The following CDH10 variants were observed in gnomAD, a reference collection of about 807,000 sequenced individuals.
CDH10 encodes the protein cadherin-10.
In CDH10, 30 loss-of-function variants were observed where a neutral mutation model predicts 73.1. The ratio of observed to expected loss-of-function variants is 0.41; its 90% confidence interval spans 0.31 to 0.56. The LOEUF is 0.56. CDH10 is among the 20% of genes least tolerant of loss of function. The pLI is 0.27. For synonymous variants in CDH10, 345 were observed against 348.2 expected (o/e 0.99, Z 0.10); for missense variants, 815 against 973.7 (o/e 0.84, Z 2.17).
At chr5:24,607,603 T>G (rs1746802342) in intron 1 of CDH10, among the ~76,000 whole-genome samples, 1 of 152,174 alleles carries the variant, frequency 6.6e-6, no homozygotes, top group Admixed American at 6.5e-5. Flanking sequence ...GACTTAGAAT[T>G]TTAAGTATTA....
chr5:24,612,407 A>C (rs1746979067), intron 1 of CDH10: 2 of 152,178 alleles, frequency 1.3e-5, no homozygotes, highest in South Asian at 4.1e-4. Flanking sequence ...TTGGTGAAAA[A>C]TTTATTGCTT....
At chr5:24,620,251 A>G (rs879942073) in intron 1 of CDH10, among the ~76,000 whole-genome samples, 1 of 152,206 alleles carries the variant, frequency 6.6e-6, no homozygotes, top group Non-Finnish European at 1.5e-5. Context: ...TTGTGAGCTC[A>G]AAATGCAGTC....
chr5:24,502,207 C>A (rs1288594437), intron 8 of CDH10, among the ~76,000 whole-genome samples: 1 of 152,142 alleles, frequency 6.6e-6, no homozygotes, highest in South Asian at 2.1e-4. Flanking sequence ...CAGGCGTGAG[C>A]CACCGCGCCT....
chr5:24,634,903 T>C (rs1747818513), intron 1 of CDH10, among the ~76,000 whole-genome samples: 1 of 151,700 alleles, frequency 6.6e-6, no homozygotes, highest in African/African-American at 2.4e-5. Context: ...CCCATATAAA[T>C]GTATATTTTA....
intron 2 of CDH10, among the ~76,000 whole-genome samples, chr5:24,572,935 G>GAAAAAAAAA (rs55946839): frequency 1.8e-4 from 13 of 72,056 alleles, no homozygotes; most frequent in African/African-American, 4.4e-4. Flanking sequence ...CTTAGAAAAA[G>GAAAAAAAAA]AAAAAAAAAA....
intron 7 of CDH10, among the ~76,000 whole-genome samples, chr5:24,508,619 A>G (rs1742782716): frequency 6.7e-6 from 1 of 148,176 alleles, no homozygotes; most frequent in Admixed American, 6.7e-5. Flanking sequence ...CCTGGGCTCA[A>G]GTGATCCTCC....
chr5:24,612,797 A>G (rs1289818211), intron 1 of CDH10: 1 of 152,234 alleles, frequency 6.6e-6, no homozygotes, highest in Non-Finnish European at 1.5e-5. Flanking sequence ...AGATTGATTA[A>G]TAGACATAAA....
At position 24,491,640 on chromosome 5, in the gene CDH10, G is replaced by C. The variant is rs771110844; in HGVS notation, c.1812C>G (p.Leu604=). The C allele has an allele frequency of 2.5e-6, 4 of 1,612,748 alleles. No homozygotes were observed. The highest frequency in any genetic ancestry group is 3.4e-6 in the Non-Finnish European group (4 of 1,178,794). The change falls in exon 11 of 12, where the codon CTC becomes CTG. Residue 604 remains leucine (L), a synonymous_variant. Coordinates refer to ENST00000264463, the MANE Select transcript of CDH10 (RefSeq NM_006727.5). ...NMQSCSAEAL[L]LPAGLSTGAL... Reference sequence around the variant, plus strand: ...CCCCAGTGCTGAGGCCGGCAGGGAGGAGCAGGGCTTCAGCACTGCAGGATT... The same window carrying C: ...CCCCAGTGCTGAGGCCGGCAGGGAGCAGCAGGGCTTCAGCACTGCAGGATT...
At chr5:24,598,448 A>G (rs1746446576) in intron 1 of CDH10, among the ~76,000 whole-genome samples, 1 of 152,012 alleles carries the variant, frequency 6.6e-6, no homozygotes, top group African/African-American at 2.4e-5. Flanking sequence ...AGAATAATGC[A>G]AAGTGTTAAA....
At chr5:24,500,210 T>A (rs1423721373) in intron 8 of CDH10, among the ~76,000 whole-genome samples, 1 of 152,180 alleles carries the variant, frequency 6.6e-6, no homozygotes, top group Non-Finnish European at 1.5e-5. Flanking sequence ...CCCCTTGTTC[T>A]CTCCATATAA....
intron 2 of CDH10, among the ~76,000 whole-genome samples, chr5:24,553,434 TTAGA>T (rs917450051): frequency 1.8e-4 from 27 of 152,160 alleles, no homozygotes; most frequent in African/African-American, 6.5e-4. Flanking sequence ...TTCCTGTTTA[TTAGA>T]TATTCATCCT....
chr5:24,561,051 T>C (rs187473193), intron 2 of CDH10, among the ~76,000 whole-genome samples: 1 of 152,218 alleles, frequency 6.6e-6, no homozygotes, highest in East Asian at 1.9e-4. Context: ...TAGTGTTGAG[T>C]AGATTAGAAA....
chr5:24,633,468 T>C (rs1434744116), intron 1 of CDH10, among the ~76,000 whole-genome samples: 2 of 151,938 alleles, frequency 1.3e-5, no homozygotes, highest in Non-Finnish European at 2.9e-5. Context: ...AGTTTGCTGG[T>C]ATTAGTTCTC....
intron 5 of CDH10, among the ~76,000 whole-genome samples, chr5:24,531,351 A>T (rs1384652104): frequency 6.6e-6 from 1 of 152,094 alleles, no homozygotes; most frequent in Non-Finnish European, 1.5e-5. Flanking sequence ...GGCAATAGGG[A>T]TACAAACCAG....
chr5:24,512,656 T>C (rs865953202), intron 5 of CDH10, among the ~76,000 whole-genome samples: 9 of 152,318 alleles, frequency 5.9e-5, no homozygotes, highest in Admixed American at 4.6e-4. Flanking sequence ...ATTTATGTTT[T>C]TGGTGTACCT....
At chr5:24,629,650 A>C (rs901777824) in intron 1 of CDH10, among the ~76,000 whole-genome samples, 1 of 152,078 alleles carries the variant, frequency 6.6e-6, no homozygotes, top group Non-Finnish European at 1.5e-5. Flanking sequence ...TGTTGTTCTC[A>C]TGATAGTGCA....
At chr5:24,601,728 A>G (rs1746571028) in intron 1 of CDH10, among the ~76,000 whole-genome samples, 1 of 151,274 alleles carries the variant, frequency 6.6e-6, no homozygotes, top group Non-Finnish European at 1.5e-5. Context: ...TTCAATAGCT[A>G]TTTTTTTTTC....
chr5:24,560,208 G>GTGTATGTGTGTA (rs1483429411), intron 2 of CDH10, among the ~76,000 whole-genome samples: 7 of 9,928 alleles, frequency 7.1e-4, no homozygotes, highest in African/African-American at 8.9e-4. Flanking sequence ...AATTGTGTGT[G>GTGTATGTGTGTA]TGTGTGTGTG....
intron 1 of CDH10, among the ~76,000 whole-genome samples, chr5:24,643,678 T>G (rs1748128964): frequency 6.6e-6 from 1 of 152,170 alleles, no homozygotes; most frequent in Admixed American, 6.5e-5. Context: ...AAGCAAAAGA[T>G]GATAGGTCAT....
Sources: gnomAD v4.1 joint callset for allele counts (sites outside exome capture counted in the v4.1 genomes callset) on GRCh38, gnomAD v4.1.1 for gene constraint, MANE v1.5 for transcripts, NCBI Gene and HGNC (gene_info 2026-07-23, HGNC 2026-07-21) for gene names.